The following ATRNL1 variants were observed in gnomAD, a reference collection of about 807,000 sequenced individuals.
ATRNL1 encodes attractin like 1.
ATRNL1 carries 95 observed loss-of-function variants against 182.7 expected under a neutral mutation model. The observed-to-expected ratio is 0.52, with a 90% confidence interval of 0.44 to 0.62. The LOEUF (loss-of-function observed/expected upper bound fraction) is 0.62, where lower values mean the gene tolerates loss of function less well. Ranked by LOEUF, ATRNL1 falls within the 20% of genes least tolerant of loss-of-function variation. ATRNL1 has a pLI of 0.00. For synonymous variants in ATRNL1, 576 were observed against 568.3 expected, an observed-to-expected ratio of 1.01 and a Z score of -0.19; for missense variants, 1,471 against 1,679.5, an observed-to-expected ratio of 0.88 and a Z score of 2.17.
At chr10:115,550,806 A>G (rs1852941362) in intron 26 of ATRNL1, among the ~76,000 whole-genome samples, 1 of 151,786 alleles carries the variant, frequency 6.6e-6, no homozygotes, top group South Asian at 2.1e-4. Context: ...ATAGGCAGGT[A>G]GTGTGAAGGC....
At chr10:115,271,448 G>A (rs982807892) in intron 13 of ATRNL1, among the ~76,000 whole-genome samples, 7 of 149,330 alleles carry the variant, frequency 4.7e-5, no homozygotes, top group African/African-American at 9.8e-5. Flanking sequence ...CCCACCCCAC[G>A]ACAGGCCCCG....
At chr10:115,353,907 T>C (rs933444737) in intron 19 of ATRNL1, among the ~76,000 whole-genome samples, 2 of 152,196 alleles carry the variant, frequency 1.3e-5, no homozygotes, top group Non-Finnish European at 2.9e-5. Context: ...TTTTGACTTT[T>C]TGTTGTCTCT....
At chr10:115,460,776 C>T (rs1365140900) in intron 21 of ATRNL1, among the ~76,000 whole-genome samples, 1 of 152,144 alleles carries the variant, frequency 6.6e-6, no homozygotes, top group African/African-American at 2.4e-5. Flanking sequence ...CTGGTTTATT[C>T]TTCTCCAAAA....
chr10:115,560,538 A>G (rs1394141827), intron 26 of ATRNL1, among the ~76,000 whole-genome samples: 2 of 152,180 alleles, frequency 1.3e-5, no homozygotes, highest in East Asian at 3.9e-4. Flanking sequence ...AAATGGAAAG[A>G]TACTATATGT....
At chr10:115,746,308 T>G (rs1948290114) in intron 27 of ATRNL1, among the ~76,000 whole-genome samples, 2 of 152,118 alleles carry the variant, frequency 1.3e-5, no homozygotes, top group Non-Finnish European at 2.9e-5. Flanking sequence ...ATTTTTAAAC[T>G]TTTAGTATTA....
intron 9 of ATRNL1, among the ~76,000 whole-genome samples, chr10:115,223,546 T>TC: frequency 1.3e-5 from 2 of 152,142 alleles, no homozygotes; most frequent in African/African-American, 4.8e-5. Context: ...TTAACCCAAT[T>TC]TTCTTGGTAA....
chr10:115,180,517 C>T (rs1847708952), intron 8 of ATRNL1, among the ~76,000 whole-genome samples: 1 of 151,640 alleles, frequency 6.6e-6, no homozygotes, highest in South Asian at 2.1e-4. Context: ...TAAAATTTAC[C>T]CACAGTAGCC....
intron 27 of ATRNL1, among the ~76,000 whole-genome samples, chr10:115,769,191 A>C (rs1475176010): frequency 6.6e-6 from 1 of 152,130 alleles, no homozygotes; most frequent in Non-Finnish European, 1.5e-5. Flanking sequence ...TGTAAAAGTA[A>C]TGTATGGAGG....
intron 26 of ATRNL1, among the ~76,000 whole-genome samples, chr10:115,592,181 GGGAT>G (rs1341293341): frequency 6.6e-6 from 1 of 152,120 alleles, no homozygotes; most frequent in Non-Finnish European, 1.5e-5. Context: ...GGTGGAGTGA[GGGAT>G]GGAGAGGCAG....
chr10:115,439,369 T>A (rs572004887), intron 21 of ATRNL1, among the ~76,000 whole-genome samples: 4 of 151,926 alleles, frequency 2.6e-5, no homozygotes, highest in Non-Finnish European at 5.9e-5. Context: ...ATGTTGAAGA[T>A]CAAGGATTAA....
At chr10:115,189,652 CTGT>C (rs1397371613) in intron 8 of ATRNL1, among the ~76,000 whole-genome samples, 3 of 151,946 alleles carry the variant, frequency 2.0e-5, no homozygotes, top group South Asian at 2.1e-4. Context: ...GTGTTTTAGG[CTGT>C]TATTACAGAA....
intron 27 of ATRNL1, among the ~76,000 whole-genome samples, chr10:115,735,448 G>C (rs1018026374): frequency 6.5e-4 from 99 of 152,184 alleles, no homozygotes; most frequent in African/African-American, 2.4e-3. Flanking sequence ...TATGTTCCAA[G>C]AGTCCCCGTG....
chr10:115,215,517 A>G (rs1279356227), intron 8 of ATRNL1, among the ~76,000 whole-genome samples, 180 bp from the exon 9 acceptor site: 1 of 152,144 alleles, frequency 6.6e-6, no homozygotes, highest in Non-Finnish European at 1.5e-5. Context: ...CTCAACTTCA[A>G]ACCCAGCACC....
intron 21 of ATRNL1, among the ~76,000 whole-genome samples, chr10:115,436,565 A>C (rs1323747503): frequency 6.6e-6 from 1 of 152,150 alleles, no homozygotes; most frequent in African/African-American, 2.4e-5. Context: ...GATTCAGTAG[A>C]AATTCTTAAT....
intron 27 of ATRNL1, among the ~76,000 whole-genome samples, chr10:115,843,757 G>C (rs1312444111): frequency 3.3e-5 from 5 of 152,060 alleles, no homozygotes; most frequent in Non-Finnish European, 7.4e-5. Flanking sequence ...CACGTTTTAA[G>C]AGTTAATGTC....
intron 28 of ATRNL1, among the ~76,000 whole-genome samples, chr10:115,894,123 T>A (rs990180141): frequency 6.6e-6 from 1 of 152,154 alleles, no homozygotes; most frequent in Non-Finnish European, 1.5e-5. Context: ...ATAACTGACA[T>A]GGAATCAGTG....
At chr10:115,614,225 C>G (rs1323590887) in intron 26 of ATRNL1, among the ~76,000 whole-genome samples, 4 of 151,876 alleles carry the variant, frequency 2.6e-5, no homozygotes, top group African/African-American at 9.7e-5. Context: ...GCGTTGTTTT[C>G]TATTTTCACT....
At chr10:115,883,980 G>A (rs560862178) in intron 28 of ATRNL1, among the ~76,000 whole-genome samples, 101 of 152,220 alleles carry the variant, frequency 6.6e-4, no homozygotes, top group Non-Finnish European at 1.2e-3. Context: ...CCTAATGATT[G>A]ATTCAGTAAG....
chr10:115,460,836 T>A (rs1847759800), intron 21 of ATRNL1, among the ~76,000 whole-genome samples: 1 of 152,178 alleles, frequency 6.6e-6, no homozygotes, highest in African/African-American at 2.4e-5. Flanking sequence ...CAGAAATTTT[T>A]ATTTTTTTAT....
Sources: allele counts gnomAD v4.1 joint callset (sites outside exome capture counted in the v4.1 genomes callset), GRCh38; gene constraint gnomAD v4.1.1; transcripts MANE v1.5; gene names NCBI Gene and HGNC (gene_info 2026-07-23, HGNC 2026-07-21).